CRMP1: variants seen among roughly 807,000 people sequenced by gnomAD.
The protein encoded by CRMP1 is collapsin response mediator protein 1.
Under a neutral mutation model 68.3 loss-of-function variants are expected in CRMP1, and 19 were observed. The ratio of observed to expected loss-of-function variants is 0.28; its 90% CI spans 0.19 to 0.41. The LOEUF is 0.41. Ranked by LOEUF, CRMP1 falls within the 10% of genes least tolerant of loss-of-function variation. The pLI is 1.00. For missense variants in CRMP1, 791 were observed against 967.4 expected, an observed-to-expected ratio of 0.82 and a Z score of 2.42; for synonymous variants, 439 against 399.6, an observed-to-expected ratio of 1.10 and a Z score of -1.18.
At position 5,850,393 on chromosome 4, in the gene CRMP1, C is replaced by G. The variant is rs1712537433; in HGVS notation, c.883-921G>C. Among the ~76,000 whole-genome samples the G allele has an allele frequency of 6.6e-6, 1 of 152,192 alleles. No individual in the cohort carries two copies. The highest frequency in any genetic ancestry group is 1.5e-5 in the Non-Finnish European group (1 of 68,032). On this transcript the variant is annotated intron_variant, in intron 5 of 13. Coordinates refer to ENST00000324989, the MANE Select transcript of CRMP1 (RefSeq NM_001014809.3). This position sits in a 1 kb window ranked among gnomAD's most constrained non-coding sequence, Gnocchi z 4.4. The stretch of plus-strand genomic sequence containing the variant: ...TGCTATGTTTTCTATGTAACTGAAC[C>G]AATTTTCAGCTCTTTGAGTGTCTTT...
chr4:5,830,011 G>A (rs1577744510), intron 11 of CRMP1, among the ~76,000 whole-genome samples: 1 of 152,308 alleles, frequency 6.6e-6, no homozygotes, highest in Non-Finnish European at 1.5e-5. Flanking sequence ...TTGGTAAACA[G>A]TATCTATGTA....
rs924046100 is a variant in CRMP1, at chr4:5,872,787, G to T, written c.382-6031C>A. On this transcript the variant is annotated intron_variant, in intron 1 of 13. Coordinates refer to ENST00000324989, the MANE Select transcript of CRMP1 (RefSeq NM_001014809.3). This position sits in a 1 kb window ranked among gnomAD's most constrained non-coding sequence, Gnocchi z 4.6. ...AATTGATTAGCTAGGGCATGTCAGA[G>T]ATACAGTTCGTTCCACAGCGACAGC... Among the ~76,000 whole-genome samples the T allele has an allele frequency of 4.6e-5, 7 of 152,222 alleles. No individual in the cohort carries two copies. The highest frequency in any genetic ancestry group is 8.8e-5 in the Non-Finnish European group (6 of 68,034).
Position 5,842,598 on chromosome 4 carries a change from T to TCACA in CRMP1, c.1032+491_1032+494dup, listed in dbSNP as rs34426438. Reference sequence around the variant, plus strand: ...CATGCACCCACACTCACACACTCTCTCACACACACACACACACACTCACTC... The same window carrying TCACA: ...CATGCACCCACACTCACACACTCTCTCACACACACACACACACACACACTCACTC... On this transcript the variant is annotated intron_variant, in intron 7 of 13. Coordinates refer to ENST00000324989, the MANE Select transcript of CRMP1 (RefSeq NM_001014809.3). This position sits in a 1 kb window ranked among gnomAD's most constrained non-coding sequence, Gnocchi z 4.5. Among the ~76,000 whole-genome samples, 22 of 136,476 alleles carry TCACA rather than the reference T, an allele frequency of 1.6e-4. No individual in the cohort carries two copies. The East Asian group carries it at 2.5e-3, about 15-fold the overall frequency. The allele number at this position is 136,476 out of a possible 152,430, so 89.5% of individuals were successfully genotyped here.
chr4:5,877,498 ATATT>A lies in CRMP1; in HGVS notation c.382-10746_382-10743del, dbSNP rs1255761716. ...TGCCATCCCATCCAGCTGCACACTCATATTTATTCACAGAAACCATCCATTTGCC... is the reference window on the plus strand; with the variant it reads ...TGCCATCCCATCCAGCTGCACACTCATATTCACAGAAACCATCCATTTGCC... On this transcript the variant is annotated intron_variant, in intron 1 of 13. Coordinates refer to ENST00000324989, the MANE Select transcript of CRMP1 (RefSeq NM_001014809.3). This position sits in a 1 kb window ranked among gnomAD's most constrained non-coding sequence, Gnocchi z 4.3. Among the ~76,000 whole-genome samples the A allele has an allele frequency of 6.6e-6, 1 of 152,154 alleles. No individual in the cohort carries two copies. Among genetic ancestry groups the A allele is most frequent in the Non-Finnish European group, 1.5e-5 (1 of 68,036 alleles).
chr4:5,842,616 A>ACT lies in CRMP1; in HGVS notation c.1032+475_1032+476dup, dbSNP rs1293700625. The stretch of plus-strand genomic sequence containing the variant: ...CACTCTCTCACACACACACACACAC[A>ACT]CTCACTCACACACACACACACGCAC... On this transcript the variant is annotated intron_variant, in intron 7 of 13. Transcript: ENST00000324989. This position sits in a 1 kb window ranked among gnomAD's most constrained non-coding sequence, Gnocchi z 4.5. 2.2e-5 allele frequency among the ~76,000 whole-genome samples: 3 copies of ACT among 136,738 alleles called. No individual in the cohort carries two copies. Among genetic ancestry groups the ACT allele is most frequent in the African/African-American group, 8.5e-5 (3 of 35,424 alleles). 89.7% of individuals were successfully genotyped at this position (136,738 alleles called of 152,430 possible).
At position 5,865,855 on chromosome 4, in the gene CRMP1, A is replaced by G. The variant is rs997152515; in HGVS notation, c.470+813T>C. Among the ~76,000 whole-genome samples, 9 of 152,098 alleles carry G rather than the reference A, an allele frequency of 5.9e-5. No homozygotes were observed. Among genetic ancestry groups the G allele is most frequent in the Non-Finnish European group, 1.2e-4 (8 of 68,012 alleles). On this transcript the variant is annotated intron_variant, in intron 2 of 13. Transcript: ENST00000324989. This position sits in a 1 kb window ranked among gnomAD's most constrained non-coding sequence, Gnocchi z 4.1. Reference sequence around the variant, plus strand: ...AAGAAGAGACCCCAGGAGTGTGCACACACACACACAGAAAGGGCCCTGTGA... The same window carrying G: ...AAGAAGAGACCCCAGGAGTGTGCACGCACACACACAGAAAGGGCCCTGTGA...
At chr4:5,849,975 C>A (rs763646948) in intron 5 of CRMP1, among the ~76,000 whole-genome samples, 20 of 152,170 alleles carry the variant, frequency 1.3e-4, no homozygotes, top group Non-Finnish European at 2.6e-4. Flanking sequence ...GTGGGGGAAA[C>A]CAGCTCTCTA....
rs577021700 is a variant in CRMP1 at position 5,833,655 on chromosome 4, C to G, written c.1623+2260G>C. On this transcript the variant is annotated intron_variant, in intron 11 of 13. Coordinates refer to ENST00000324989, the MANE Select transcript of CRMP1 (RefSeq NM_001014809.3). ...GATGATGCATGGAGAATGCTAAGCA[C>G]GAAGTAACTACAAAACAGTATTTGG... Among the ~76,000 whole-genome samples the G allele has an allele frequency of 5.3e-5, 8 of 152,252 alleles. No individual in the cohort carries two copies. In the South Asian group the frequency reaches 1.7e-3, roughly 32 times the overall value.
chr4:5,876,559 C>A (rs1714848019), intron 1 of CRMP1, among the ~76,000 whole-genome samples: 1 of 152,154 alleles, frequency 6.6e-6, no homozygotes, highest in Non-Finnish European at 1.5e-5. Flanking sequence ...ATCAAGGGAG[C>A]CCATTTTGTA....
intron 10 of CRMP1, 33 bp downstream of exon 10, chr4:5,836,726 GTGTTTC>G: frequency 6.2e-7 from 1 of 1,613,894 alleles, no homozygotes; most frequent in South Asian, 1.1e-5. Context: ...GGCAGGTAGA[GTGTTTC>G]TAGAATGCTC....
chr4:5,880,627 A>T (rs1353367179), intron 1 of CRMP1, among the ~76,000 whole-genome samples: 1 of 152,210 alleles, frequency 6.6e-6, no homozygotes, highest in Non-Finnish European at 1.5e-5. Context: ...ATTCCATGTG[A>T]AATGCAGCGA....
In CRMP1 at chr4:5,825,834, C is replaced by T; in HGVS notation, c.1804-175G>A. On this transcript the variant is annotated intron_variant, in intron 12 of 13. Transcript: ENST00000324989. The surrounding 1 kb of genome is among the most constrained non-coding windows in gnomAD (Gnocchi z 4.4). ...TGCACTTCACACACATGCAGCCGCA[C>T]ACAGGCATTCATACACACAAGCATG... 1.6e-6 allele frequency: 1 copy of T among 631,642 alleles called. No individual in the cohort carries two copies. Among genetic ancestry groups the T allele is most frequent in the Non-Finnish European group, 2.7e-6 (1 of 367,576 alleles). The allele number at this position is 631,642 out of a possible 1,614,324, so 39.1% of individuals were successfully genotyped here.
In CRMP1 at chr4:5,877,551, C is replaced by T. The variant is rs1714926912; in HGVS notation, c.382-10795G>A. On this transcript the variant is annotated intron_variant, in intron 1 of 13. Coordinates refer to ENST00000324989, the MANE Select transcript of CRMP1 (RefSeq NM_001014809.3). The surrounding 1 kb of genome is among the most constrained non-coding windows in gnomAD (Gnocchi z 4.3). Reference sequence around the variant, plus strand: ...CCTTTGATTTTGCCTCCGGGGACGACAGCCTGTCAGCCAGTGGCCCTTTGC... The same window carrying T: ...CCTTTGATTTTGCCTCCGGGGACGATAGCCTGTCAGCCAGTGGCCCTTTGC... Among the ~76,000 whole-genome samples the T allele has an allele frequency of 6.6e-6, 1 of 152,236 alleles. No homozygotes were observed. Among genetic ancestry groups the T allele is most frequent in the Admixed American group, 6.5e-5 (1 of 15,290 alleles).
chr4:5,834,015 C>T lies in CRMP1; in HGVS notation c.1623+1900G>A, dbSNP rs1008258086. On this transcript the variant is annotated intron_variant, in intron 11 of 13. Transcript: ENST00000324989. The surrounding 1 kb of genome is among the most constrained non-coding windows in gnomAD (Gnocchi z 4.3). ...GAGCCGAGATTGCGCCACTGCACTC[C>T]AGCCTGGGCAACAGAGCAAGACTCC... 1.3e-5 allele frequency among the ~76,000 whole-genome samples: 2 copies of T among 152,224 alleles called. No individual in the cohort carries two copies. The highest frequency in any genetic ancestry group is 6.5e-5 in the Admixed American group (1 of 15,288).
chr4:5,875,349 G>T (rs952539914), intron 1 of CRMP1, among the ~76,000 whole-genome samples: 5 of 148,702 alleles, frequency 3.4e-5, no homozygotes, highest in African/African-American at 1.2e-4. Context: ...TCTCCACCAT[G>T]AAGGTGGATG....
chr4:5,888,092 G>T lies in CRMP1; in HGVS notation c.381+4497C>A. 9.6e-7 allele frequency: 1 copy of T among 1,037,526 alleles called. No individual in the cohort carries two copies. The highest frequency in any genetic ancestry group is 1.2e-6 in the Non-Finnish European group (1 of 815,394). The allele number at this position is 1,037,526 out of a possible 1,614,324, so 64.3% of individuals were successfully genotyped here. A position where few individuals can be genotyped will look rare whatever the true frequency, so the allele number is the denominator to read the frequency against. On this transcript the variant is annotated intron_variant, in intron 1 of 13. Coordinates refer to ENST00000324989, the MANE Select transcript of CRMP1 (RefSeq NM_001014809.3). This position sits in a 1 kb window ranked among gnomAD's most constrained non-coding sequence, Gnocchi z 6.4. ...GGAGGGGGCTGAAATCCCGAGACCGGCCCCGCCCCACCCGCGGCGACGCAG... is the reference window on the plus strand; with the variant it reads ...GGAGGGGGCTGAAATCCCGAGACCGTCCCCGCCCCACCCGCGGCGACGCAG...
chr4:5,892,915 C>A lies in CRMP1; in HGVS notation c.55G>T (p.Ala19Ser). The change falls in exon 1 of 14, where the codon GCG (alanine) becomes TCG (serine). Residue 19 changes from alanine (A) to serine (S), a missense_variant. Coordinates refer to ENST00000324989, the MANE Select transcript of CRMP1 (RefSeq NM_001014809.3). The surrounding 1 kb of genome is among the most constrained non-coding windows in gnomAD (Gnocchi z 8.6). ...GTCTGCGCCGCGCTGCCCGGCCGCGCCAGGTACACGGGCAGGTCGTCCTCG... is the reference window on the plus strand; with the variant it reads ...GTCTGCGCCGCGCTGCCCGGCCGCGACAGGTACACGGGCAGGTCGTCCTCG... ...NTEDDLPVYLARPGSAAQTPR... is the reference protein window; with the variant it reads ...NTEDDLPVYLSRPGSAAQTPR... The A allele has an allele frequency of 7.4e-7, 1 of 1,348,444 alleles. No homozygotes were observed. The allele number at this position is 1,348,444 out of a possible 1,614,324, so 83.5% of individuals were successfully genotyped here.
At position 5,834,715 on chromosome 4, in the gene CRMP1, A is replaced by G. The variant is rs1720615362; in HGVS notation, c.1623+1200T>C. On this transcript the variant is annotated intron_variant, in intron 11 of 13. Coordinates refer to ENST00000324989, the MANE Select transcript of CRMP1 (RefSeq NM_001014809.3). This position sits in a 1 kb window ranked among gnomAD's most constrained non-coding sequence, Gnocchi z 4.3. Reference sequence around the variant, plus strand: ...ACACACGTGAAATAATTCATAATAAATAATAGAATTGCAAGCCCTGCTGGA... The same window carrying G: ...ACACACGTGAAATAATTCATAATAAGTAATAGAATTGCAAGCCCTGCTGGA... Among the ~76,000 whole-genome samples the G allele has an allele frequency of 2.0e-5, 3 of 152,206 alleles. No homozygotes were observed. Among genetic ancestry groups the G allele is most frequent in the African/African-American group, 7.2e-5 (3 of 41,442 alleles).
At position 5,854,948 on chromosome 4, in the gene CRMP1, C is replaced by T. The variant is rs913546616; in HGVS notation, c.820+1195G>A. Among the ~76,000 whole-genome samples the T allele has an allele frequency of 3.3e-5, 5 of 151,894 alleles. No homozygotes were observed. The highest frequency in any genetic ancestry group is 5.9e-5 in the Non-Finnish European group (4 of 67,986). On this transcript the variant is annotated intron_variant, in intron 4 of 13. Coordinates refer to ENST00000324989, the MANE Select transcript of CRMP1 (RefSeq NM_001014809.3). The surrounding 1 kb of genome is among the most constrained non-coding windows in gnomAD (Gnocchi z 4.0). Reference sequence around the variant, plus strand: ...AATGTTTATATACAAAGATGTTCACCGTAACAGGATTTATAATAAAACGAA... The same window carrying T: ...AATGTTTATATACAAAGATGTTCACTGTAACAGGATTTATAATAAAACGAA...
Sources: gnomAD v4.1 joint callset for allele counts (sites outside exome capture counted in the v4.1 genomes callset) on GRCh38, gnomAD v4.1.1 for gene constraint, Gnocchi (gnomAD v3.1) non-coding constraint, MANE v1.5 for transcripts, NCBI Gene and HGNC (gene_info 2026-07-23, HGNC 2026-07-21) for gene names.